The following GLYR1 variants were observed in gnomAD, a reference collection of about 807,000 sequenced individuals.
GLYR1 encodes glyoxylate reductase 1 homolog.
A neutral mutation model predicts 72.7 loss-of-function variants in GLYR1; 21 were observed. The observed-to-expected ratio is 0.29, with a 90% CI of 0.20 to 0.42. GLYR1 has a LOEUF of 0.42. GLYR1 is among the 10% of genes least tolerant of loss of function. GLYR1 has a pLI of 1.00. For synonymous variants in GLYR1, 392 were observed against 270.2 expected (o/e 1.45, Z -4.42); for missense variants, 594 against 712.1 (o/e 0.83, Z 1.89).
In GLYR1 at chr16:4,804,932, C is replaced by CGT. The variant is rs1421648852; in HGVS notation, c.*303_*304insAC. ...GGCAGCTTCTATCCTGGGGCGAGAG[C>CGT]CTGTGTGTGTGTGTGTGTGTGTGTG... On this transcript the variant is annotated 3_prime_UTR_variant, in exon 16 of 16. Coordinates refer to ENST00000321919, the MANE Select transcript of GLYR1 (RefSeq NM_032569.4). 6 of 291,920 alleles carry CGT rather than the reference C, an allele frequency of 2.1e-5. No individual in the cohort carries two copies. Among genetic ancestry groups the CGT allele is most frequent in the Admixed American group, 1.0e-4 (2 of 19,470 alleles). The allele number at this position is 291,920 out of a possible 1,614,324, so 18.1% of individuals were successfully genotyped here.
At chr16:4,828,420 T>G (rs1172237449) in intron 5 of GLYR1, among the ~76,000 whole-genome samples, 7 of 152,106 alleles carry the variant, frequency 4.6e-5, no homozygotes, top group African/African-American at 1.7e-4. Context: ...CTTAATAGAC[T>G]ACAGTATAAA....
At chr16:4,817,007 G>A (rs922377784) in intron 10 of GLYR1, among the ~76,000 whole-genome samples, 7 of 150,318 alleles carry the variant, frequency 4.7e-5, no homozygotes, top group African/African-American at 1.7e-4. Flanking sequence ...GCAGTGACAC[G>A]ATCTCAGCTC....
intron 14 of GLYR1, 76 bp downstream of exon 14, chr16:4,811,547 G>T: frequency 1.3e-6 from 2 of 1,545,600 alleles, no homozygotes; most frequent in Non-Finnish European, 1.8e-6. Context: ...CATCTTTCAC[G>T]CTCACTAAAT....
chr16:4,807,798 T>G (rs897827641), intron 15 of GLYR1, among the ~76,000 whole-genome samples: 1 of 152,152 alleles, frequency 6.6e-6, no homozygotes, highest in Non-Finnish European at 1.5e-5. Context: ...CAAAAAAGAC[T>G]TATAAAATAC....
chr16:4,830,773 G>A (rs1027300052), intron 5 of GLYR1, among the ~76,000 whole-genome samples: 3 of 152,166 alleles, frequency 2.0e-5, no homozygotes, highest in Admixed American at 6.5e-5. Context: ...GCAAGAAGGC[G>A]AGAGAGGCAC....
intron 9 of GLYR1, 115 bp from the exon 10 acceptor site, chr16:4,817,812 C>G (rs777824321): frequency 6.9e-5 from 49 of 706,330 alleles, no homozygotes; most frequent in Middle Eastern, 2.4e-4. Context: ...GGAATTCAGA[C>G]TGCCAGAAAC....
intron 4 of GLYR1, 172 bp from the exon 5 acceptor site, chr16:4,832,393 A>G: frequency 1.3e-6 from 1 of 769,732 alleles, no homozygotes; most frequent in Non-Finnish European, 2.0e-6. Flanking sequence ...GATTTAAAAA[A>G]TATATATATC....
intron 5 of GLYR1, among the ~76,000 whole-genome samples, chr16:4,827,597 A>C (rs1417194568): frequency 7.2e-5 from 10 of 139,486 alleles, no homozygotes; most frequent in Admixed American, 5.9e-4. Flanking sequence ...AAAAACAAAC[A>C]AACAAACAAA....
Position 4,812,090 on chromosome 16 carries a change from G to A in GLYR1, c.1278C>T (p.Phe426=), listed in dbSNP as rs1010254802. The part of the protein sequence containing the change: ...CFQAMGKTSF[F]LGEVGNAAKM... ...TGACAGGTGCAGGCGTGTTACCTAG[G>A]AAGAAGGAGGTCTTCCCCATCGCCT... The change falls in exon 13 of 16, where the codon TTC becomes TTT. Residue 426 remains phenylalanine, a synonymous_variant. Transcript: ENST00000321919. 2.5e-6 allele frequency: 4 copies of A among 1,613,306 alleles called. No homozygotes were observed. Among genetic ancestry groups the A allele is most frequent in the Admixed American group, 1.7e-5 (1 of 59,896 alleles).
At chr16:4,818,616 C>T (rs912043968) in intron 9 of GLYR1, among the ~76,000 whole-genome samples, 4 of 152,142 alleles carry the variant, frequency 2.6e-5, no homozygotes, top group African/African-American at 9.7e-5. Flanking sequence ...CAGAATCCAC[C>T]ACAAGTCACT....
intron 3 of GLYR1, among the ~76,000 whole-genome samples, chr16:4,844,546 G>A (rs1202180754): frequency 6.6e-6 from 1 of 152,210 alleles, no homozygotes; most frequent in Non-Finnish European, 1.5e-5. Flanking sequence ...CAAGGCAGGT[G>A]GATTGCTTGA....
intron 12 of GLYR1, among the ~76,000 whole-genome samples, chr16:4,813,388 C>T (rs1723930724): frequency 6.6e-6 from 1 of 152,200 alleles, no homozygotes; most frequent in African/African-American, 2.4e-5. Context: ...AGTCCCCACT[C>T]CCTTATTTGG....
intron 5 of GLYR1, among the ~76,000 whole-genome samples, chr16:4,827,592 C>T (rs56919624): frequency 6.7e-6 from 1 of 149,678 alleles, no homozygotes; most frequent in Non-Finnish European, 1.5e-5. Flanking sequence ...CTTAAAAAAA[C>T]AAACAAACAA....
chr16:4,814,464 G>C lies in GLYR1; in HGVS notation c.1017+73C>G, dbSNP rs1056431364. The C allele has an allele frequency of 1.4e-5, 15 of 1,087,042 alleles. No homozygotes were observed. The African/African-American group carries it at 2.3e-4, about 17-fold the overall frequency. The allele number at this position is 1,087,042 out of a possible 1,614,324, so 67.3% of individuals were successfully genotyped here. A position where few individuals can be genotyped will look rare whatever the true frequency, so the allele number is the denominator to read the frequency against. ...GTGGACACTCACTTGGTGTGCAGGG[G>C]AGGAGGGGAAGAGGCCAGCCAGCAA... On this transcript the variant is annotated intron_variant, in intron 11 of 15. Transcript: ENST00000321919.
At chr16:4,818,317 T>C (rs1440461312) in intron 9 of GLYR1, among the ~76,000 whole-genome samples, 9 of 151,822 alleles carry the variant, frequency 5.9e-5, no homozygotes, top group Admixed American at 2.6e-4. Flanking sequence ...TTTTTTGAGA[T>C]AGTGTCTTGT....
In GLYR1 at chr16:4,832,187, C is replaced by A; in HGVS notation, c.329G>T (p.Arg110Leu). 1 of 1,614,098 alleles carries A rather than the reference C, an allele frequency of 6.2e-7. No individual in the cohort carries two copies. The highest frequency in any genetic ancestry group is 8.5e-7 in the Non-Finnish European group (1 of 1,180,028). ...SSHNSSDDKN[R>L]RNSSEERSRP... Reference sequence around the variant, plus strand: ...ACTTCTCTCCTCACTGGAATTACGTCGATTCTTGTCATCAGAAGAATTGTG... The same window carrying A: ...ACTTCTCTCCTCACTGGAATTACGTAGATTCTTGTCATCAGAAGAATTGTG... Residue 110 changes from arginine (R) to leucine (L), a missense_variant, in exon 5 of 16, where the codon CGA (arginine) becomes CTA (leucine). Arg to Leu is a moderately radical substitution (Grantham distance 102, BLOSUM62 -2). Around this residue, in one of 5 missense-constraint regions of GLYR1, gnomAD observed 252 missense variants for 211.3 expected, o/e 1.19. Transcript: ENST00000321919.
At chr16:4,830,217 T>C (rs1022161566) in intron 5 of GLYR1, among the ~76,000 whole-genome samples, 1 of 150,260 alleles carries the variant, frequency 6.7e-6, no homozygotes, top group African/African-American at 2.5e-5. Flanking sequence ...CTGGCCAACT[T>C]TGTCTTTTTT....
At chr16:4,807,349 G>A (rs922406035) in intron 15 of GLYR1, among the ~76,000 whole-genome samples, 3 of 151,854 alleles carry the variant, frequency 2.0e-5, no homozygotes, top group Admixed American at 6.6e-5. Context: ...CTGACCTCAG[G>A]TGATCTGCCC....
Position 4,813,379 on chromosome 16 carries a change from G to T in GLYR1, c.1119+358C>A, listed in dbSNP as rs143751582. Among the ~76,000 whole-genome samples the T allele has an allele frequency of 2.2e-3, 335 of 152,276 alleles. 2 individuals carry two copies. The highest frequency in any genetic ancestry group is 7.7e-3 in the African/African-American group (321 of 41,544). ...CCTCAGAACATATGTGGGTCCCAAA[G>T]TCCCCACTCCCTTATTTGGGCCAGA... On this transcript the variant is annotated intron_variant, in intron 12 of 15. Coordinates refer to ENST00000321919, the MANE Select transcript of GLYR1 (RefSeq NM_032569.4).
Sources: allele counts gnomAD v4.1 joint callset (sites outside exome capture counted in the v4.1 genomes callset), GRCh38; gene constraint gnomAD v4.1.1; regional missense constraint gnomAD v4.1.1; transcripts MANE v1.5; gene names NCBI Gene and HGNC (gene_info 2026-07-23, HGNC 2026-07-21).